The following TLK2 variants were observed in gnomAD, a reference collection of about 807,000 sequenced individuals.
TLK2 encodes tousled like kinase 2, also known as serine/threonine-protein kinase tousled-like 2.
In TLK2, 6 loss-of-function variants were observed where a neutral mutation model predicts 117.3. The ratio of observed to expected loss-of-function variants is 0.05; its 90% CI spans 0.03 to 0.10. TLK2 has a LOEUF of 0.10. Among genes scored for constraint, TLK2 ranks in the 10% least tolerant of loss-of-function variants. The pLI is 1.00. For synonymous variants in TLK2, 257 were observed against 316.7 expected (o/e 0.81, Z 2.00); for missense variants, 299 against 901.2 (o/e 0.33, Z 8.56).
intron 2 of TLK2, among the ~76,000 whole-genome samples, chr17:62,491,004 A>G (rs6504107): frequency 0.93 from 142,328 of 152,254 alleles, 67,282 homozygotes; most frequent in East Asian, 1. Flanking sequence ...CTAAGTAGCT[A>G]AGACAACAGG....
intron 2 of TLK2, among the ~76,000 whole-genome samples, chr17:62,500,979 C>G (rs189993540): frequency 2.0e-5 from 3 of 152,320 alleles, no homozygotes; most frequent in East Asian, 3.9e-4. Context: ...TGACTCACAC[C>G]TGTAATCCCA....
intron 2 of TLK2, among the ~76,000 whole-genome samples, chr17:62,493,609 A>G (rs2073339160): frequency 6.6e-6 from 1 of 152,222 alleles, no homozygotes; most frequent in Non-Finnish European, 1.5e-5. Context: ...CTTTTAATTC[A>G]CATTCTACAA....
intron 2 of TLK2, among the ~76,000 whole-genome samples, chr17:62,510,587 G>A (rs1435400437): frequency 6.6e-6 from 1 of 152,198 alleles, no homozygotes; most frequent in Non-Finnish European, 1.5e-5. Context: ...GTGTCAGCAG[G>A]TTTGGTTTCT....
At chr17:62,589,276 A>G (rs1200947928) in intron 16 of TLK2, among the ~76,000 whole-genome samples, 1 of 152,234 alleles carries the variant, frequency 6.6e-6, no homozygotes, top group African/African-American at 2.4e-5. Flanking sequence ...AATTTCACTT[A>G]AAATTATTTG....
At chr17:62,526,370 C>G (rs576219378) in intron 6 of TLK2, among the ~76,000 whole-genome samples, 2 of 152,282 alleles carry the variant, frequency 1.3e-5, no homozygotes, top group African/African-American at 4.8e-5. Flanking sequence ...CTCCTGCAAA[C>G]CTCCAGCAAT....
At chr17:62,575,864 TTTC>T (rs1355801953) in intron 12 of TLK2, among the ~76,000 whole-genome samples, 1 of 152,094 alleles carries the variant, frequency 6.6e-6, no homozygotes, top group East Asian at 1.9e-4. Context: ...GCCCAGCTTC[TTTC>T]TTCTTTTTTT....
In TLK2 at chr17:62,529,909, A is replaced by G. The variant is rs191228334; in HGVS notation, c.363+5578A>G. ...TGGTGTTTCTCTTAGAAAGTACCAC[A>G]TACCGCCGGGCGTGGTGGTTCACGC... On this transcript the variant is annotated intron_variant, in intron 6 of 21. Coordinates refer to ENST00000346027, the MANE Select transcript of TLK2 (RefSeq NM_006852.6). Among the ~76,000 whole-genome samples the G allele has an allele frequency of 2.6e-5, 4 of 152,048 alleles. No homozygotes were observed. In the East Asian group the frequency reaches 7.8e-4, roughly 30 times the overall value.
chr17:62,493,728 A>C (rs961630721), intron 2 of TLK2, among the ~76,000 whole-genome samples: 8 of 152,218 alleles, frequency 5.3e-5, no homozygotes, highest in African/African-American at 1.9e-4. Context: ...GTAAGAACTA[A>C]GCTACCATGT....
chr17:62,563,876 A>G (rs2079506915), intron 10 of TLK2, among the ~76,000 whole-genome samples: 1 of 152,192 alleles, frequency 6.6e-6, no homozygotes, highest in Non-Finnish European at 1.5e-5. Flanking sequence ...AGGGAGGCAG[A>G]TCTTCTAGCG....
chr17:62,576,584 A>G (rs573393016), intron 12 of TLK2, 125 bp from the exon 13 acceptor site: 383 of 733,510 alleles, frequency 5.2e-4, no homozygotes, highest in Non-Finnish European at 8.1e-4. Context: ...AAGATAACCC[A>G]TCTTTCAGTC....
At chr17:62,565,272 G>C in intron 11 of TLK2, 135 bp downstream of exon 11, 5 of 1,107,394 alleles carry the variant, frequency 4.5e-6, no homozygotes, top group African/African-American at 1.6e-5. Context: ...ACCACATGTG[G>C]AAAGAAATGT....
intron 16 of TLK2, among the ~76,000 whole-genome samples, chr17:62,595,398 T>C (rs1404036679): frequency 6.6e-6 from 1 of 151,714 alleles, no homozygotes; most frequent in Non-Finnish European, 1.5e-5. Flanking sequence ...CATTATCAAG[T>C]GTTATATACT....
At chr17:62,577,970 C>T (rs2080933303) in intron 13 of TLK2, among the ~76,000 whole-genome samples, 1 of 152,142 alleles carries the variant, frequency 6.6e-6, no homozygotes, top group African/African-American at 2.4e-5. Flanking sequence ...TCACTTGGAC[C>T]TGGGAGGCGG....
intron 11 of TLK2, among the ~76,000 whole-genome samples, chr17:62,568,605 G>A (rs2079995893): frequency 1.3e-5 from 2 of 151,988 alleles, no homozygotes; most frequent in African/African-American, 2.4e-5. Flanking sequence ...TTTATTTTGA[G>A]ACGGAGCCTC....
At chr17:62,575,622 AAAT>A (rs2080722297) in intron 12 of TLK2, among the ~76,000 whole-genome samples, 4 of 152,184 alleles carry the variant, frequency 2.6e-5, no homozygotes, top group Admixed American at 2.0e-4. Context: ...ATGGAAGAAA[AAAT>A]AATTCTCACT....
intron 16 of TLK2, among the ~76,000 whole-genome samples, chr17:62,589,983 A>G (rs1029892702): frequency 7.9e-5 from 12 of 151,006 alleles, no homozygotes; most frequent in African/African-American, 2.9e-4. Context: ...ACTTTTTTGT[A>G]TTTTTAGTAG....
Position 62,602,162 on chromosome 17 carries a change from A to G in TLK2, c.1841A>G (p.Gln614Arg). ...NSVDGMELTS[Q>R]GAGTYWYLPP... ...GTGGATGGCATGGAGCTAACATCAC[A>G]AGGTGCTGGTACTTATTGGTAGGTA... Residue 614 changes from glutamine (Q) to arginine (R), a missense_variant, in exon 19 of 22, where the codon CAA becomes CGA. Around this residue, in one of 4 missense-constraint regions of TLK2, gnomAD observed 81 missense variants for 370.9 expected, o/e 0.22. Transcript: ENST00000346027. 1 of 1,613,822 alleles carries G rather than the reference A, an allele frequency of 6.2e-7. No individual in the cohort carries two copies. The highest frequency in any genetic ancestry group is 8.5e-7 in the Non-Finnish European group (1 of 1,179,798).
chr17:62,521,620 A>G (rs1423391772), intron 3 of TLK2, among the ~76,000 whole-genome samples: 1 of 152,142 alleles, frequency 6.6e-6, no homozygotes, highest in East Asian at 1.9e-4. Context: ...TCTGGAACCC[A>G]AGCCATCCTC....
intron 12 of TLK2, chr17:62,574,527 T>G (rs1030875742): frequency 7.1e-5 from 47 of 661,946 alleles, no homozygotes; most frequent in African/African-American, 4.6e-4. Context: ...GTTGTTGTTT[T>G]TTTTTTTTGA....
Sources: gnomAD v4.1 joint callset for allele counts (sites outside exome capture counted in the v4.1 genomes callset) on GRCh38, gnomAD v4.1.1 for gene constraint, gnomAD v4.1.1 regional missense constraint, MANE v1.5 for transcripts, NCBI Gene and HGNC (gene_info 2026-07-23, HGNC 2026-07-21) for gene names.